Variants in FLT3 observed in about 807,000 individuals in gnomAD.
The protein encoded by FLT3 is fms related receptor tyrosine kinase 3.
Under a neutral mutation model 126.6 loss-of-function variants are expected in FLT3, and 46 were observed. That is an observed-to-expected ratio of 0.36 (90% CI 0.29 to 0.46). FLT3 has a LOEUF of 0.46. FLT3 is among the 20% of genes least tolerant of loss of function. The probability of loss-of-function intolerance (pLI) is 1.00; values close to 1 mark genes in which losing one functional copy is unlikely to be tolerated. For missense variants in FLT3, 1,069 were observed against 1,190.3 expected (o/e 0.90, Z 1.50); for synonymous variants, 404 against 434.4 (o/e 0.93, Z 0.87).
At position 28,035,534 on chromosome 13, in the gene FLT3, G is replaced by C; in HGVS notation, c.1558C>G (p.Leu520Val). Reference protein sequence around the residue: ...FLVKCCAYNSLGTSCETILLN... With the variant: ...FLVKCCAYNSVGTSCETILLN... ...AGGATCGTCTCACAAGATGTGCCAA[G>C]GGAATTGTATGCACAGCACTTGACC... Residue 520 changes from leucine to valine, a missense_variant, in exon 12 of 24, where the codon CTT (leucine) becomes GTT (valine). Transcript: ENST00000241453. The C allele has an allele frequency of 6.2e-7, 1 of 1,614,136 alleles. No individual in the cohort carries two copies. The highest frequency in any genetic ancestry group is 1.1e-5 in the South Asian group (1 of 91,050).
At chr13:28,084,750 C>T (rs967934668) in intron 1 of FLT3, among the ~76,000 whole-genome samples, 19 of 152,008 alleles carry the variant, frequency 1.2e-4, no homozygotes, top group African/African-American at 3.1e-4. Context: ...CCGAGGAGGG[C>T]GGATCACGAG....
intron 1 of FLT3, among the ~76,000 whole-genome samples, chr13:28,099,603 G>T (rs893996749): frequency 1.3e-5 from 2 of 152,134 alleles, no homozygotes; most frequent in Non-Finnish European, 2.9e-5. Context: ...CAGTCCCAAG[G>T]TTGCAGACCT....
chr13:28,035,446 C>T, intron 12 of FLT3, 49 bp downstream of exon 12: 1 of 1,560,338 alleles, frequency 6.4e-7, no homozygotes, highest in Non-Finnish European at 8.8e-7. Flanking sequence ...GGACTAACTT[C>T]TAGTGGGGAA....
intron 15 of FLT3, among the ~76,000 whole-genome samples, chr13:28,031,232 A>G (rs563791770): frequency 6.6e-6 from 1 of 152,242 alleles, no homozygotes; most frequent in East Asian, 1.9e-4. Context: ...CGTCTCAAAA[A>G]AAGAAGAAAA....
chr13:28,012,462 C>G (rs1401619048), intron 23 of FLT3, among the ~76,000 whole-genome samples: 1 of 152,124 alleles, frequency 6.6e-6, no homozygotes, highest in Non-Finnish European at 1.5e-5. Context: ...ATATTAGGCA[C>G]AGCCATCTAC....
At chr13:28,063,617 A>G (rs1389655083) in intron 2 of FLT3, among the ~76,000 whole-genome samples, 1 of 152,128 alleles carries the variant, frequency 6.6e-6, no homozygotes, top group Non-Finnish European at 1.5e-5. Flanking sequence ...GAGCACACAC[A>G]TATTTCTTCA....
intron 22 of FLT3, 65 bp from the exon 23 acceptor site, chr13:28,014,622 C>T: frequency 9.0e-7 from 1 of 1,113,938 alleles, no homozygotes; most frequent in Admixed American, 1.8e-5. Flanking sequence ...GGATCATTTT[C>T]CATATAATGA....
intron 1 of FLT3, among the ~76,000 whole-genome samples, chr13:28,095,307 C>T (rs868409406): frequency 6.6e-6 from 1 of 152,118 alleles, no homozygotes; most frequent in Non-Finnish European, 1.5e-5. Context: ...GAAGGAGTCT[C>T]GCTCTGTCTC....
At position 28,028,238 on chromosome 13, in the gene FLT3, T is replaced by A; in HGVS notation, c.1993A>T (p.Met665Leu). The A allele has an allele frequency of 6.2e-7, 1 of 1,612,170 alleles. No homozygotes were observed. Among genetic ancestry groups the A allele is most frequent in the Non-Finnish European group, 8.5e-7 (1 of 1,178,236 alleles). ...TTCTCGTGGCTTCCCAGCTGGGTCA[T>A]CATCTTGAGTTCTGACATGAGTGCC... ...REALMSELKMMTQLGSHENIV... is the reference protein window; with the variant it reads ...REALMSELKMLTQLGSHENIV... The change falls in exon 16 of 24, where the codon ATG (methionine) becomes TTG (leucine). Residue 665 changes from methionine to leucine, a missense_variant. By Grantham distance (15) the Met-to-Leu change is conservative. Coordinates refer to ENST00000241453, the MANE Select transcript of FLT3 (RefSeq NM_004119.3).
At chr13:28,026,138 G>C (rs935348390) in intron 17 of FLT3, among the ~76,000 whole-genome samples, 1 of 151,966 alleles carries the variant, frequency 6.6e-6, no homozygotes, top group Non-Finnish European at 1.5e-5. Context: ...ATCAACTGAG[G>C]TCAGGAGTTC....
At chr13:28,025,745 T>C (rs1872738173) in intron 17 of FLT3, among the ~76,000 whole-genome samples, 1 of 152,098 alleles carries the variant, frequency 6.6e-6, no homozygotes, top group Non-Finnish European at 1.5e-5. Flanking sequence ...CTTTATAGAG[T>C]TCTCATTTCT....
rs753905654 is a variant in FLT3 at position 28,033,931 on chromosome 13, C to T, written c.1898G>A (p.Ser633Asn). Reference protein sequence around the residue: ...KVMNATAYGISKTGVSIQVAV... With the variant: ...KVMNATAYGINKTGVSIQVAV... ...AACCTGGATTGAGACTCCTGTTTTG[C>T]TAATTCCATAAGCTGTTGCGTTCAT... Residue 633 changes from serine to asparagine, a missense_variant, in exon 15 of 24, where the codon AGC becomes AAC. Coordinates refer to ENST00000241453, the MANE Select transcript of FLT3 (RefSeq NM_004119.3). The T allele has an allele frequency of 2.1e-5, 34 of 1,614,070 alleles. No individual in the cohort carries two copies. Among genetic ancestry groups the T allele is most frequent in the Non-Finnish European group, 2.5e-5 (29 of 1,180,036 alleles).
chr13:28,083,623 T>G (rs754386432), intron 1 of FLT3, among the ~76,000 whole-genome samples: 1 of 152,226 alleles, frequency 6.6e-6, no homozygotes, highest in Non-Finnish European at 1.5e-5. Context: ...GCTCTAATAA[T>G]TTTCCTTGTG....
At chr13:28,039,029 C>T (rs985299170) in intron 9 of FLT3, among the ~76,000 whole-genome samples, 8 of 151,798 alleles carry the variant, frequency 5.3e-5, no homozygotes, top group African/African-American at 1.9e-4. Flanking sequence ...AGGTAGAGCT[C>T]GAGCTGGAGC....
Position 28,070,868 on chromosome 13 carries a change from C to T in FLT3, c.44-256G>A, listed in dbSNP as rs9513021. On this transcript the variant is annotated intron_variant, in intron 1 of 23. Transcript: ENST00000241453. ...ATGCCTGTGCTGTCTAATATGGTAG[C>T]GACTAGCTACATGTGGCTCTTAAGC... Among the ~76,000 whole-genome samples the T allele has an allele frequency of 0.86, 131,324 of 152,150 alleles. 59,499 individuals carry two copies. The highest frequency in any genetic ancestry group is 0.99 in the Non-Finnish European group (67,050 of 68,042).
At chr13:28,086,544 T>C (rs558565745) in intron 1 of FLT3, among the ~76,000 whole-genome samples, 2 of 152,252 alleles carry the variant, frequency 1.3e-5, no homozygotes, top group South Asian at 4.2e-4. Flanking sequence ...ATAGTTTCCA[T>C]TCCCACTATT....
chr13:28,086,434 C>T (rs1054332282), intron 1 of FLT3, among the ~76,000 whole-genome samples: 1 of 152,080 alleles, frequency 6.6e-6, no homozygotes, highest in African/African-American at 2.4e-5. Context: ...TCTACGTAAG[C>T]TATAAACCCC....
At chr13:28,014,819 G>A (rs1482509568) in intron 22 of FLT3, among the ~76,000 whole-genome samples, 1 of 152,238 alleles carries the variant, frequency 6.6e-6, no homozygotes, top group South Asian at 2.1e-4. Context: ...AATTAAAACC[G>A]GGAAGCAGGT....
chr13:28,058,044 A>G (rs922185244), intron 3 of FLT3, among the ~76,000 whole-genome samples: 1 of 151,218 alleles, frequency 6.6e-6, no homozygotes, highest in African/African-American at 2.4e-5. Context: ...CGTCTCAAAA[A>G]AAAACTGAAA....
Sources: allele counts gnomAD v4.1 joint callset (sites outside exome capture counted in the v4.1 genomes callset), GRCh38; gene constraint gnomAD v4.1.1; transcripts MANE v1.5; gene names NCBI Gene and HGNC (gene_info 2026-07-23, HGNC 2026-07-21).